Variants in IL1RAPL2 observed in about 807,000 individuals in gnomAD.
The protein encoded by IL1RAPL2 is X-linked interleukin-1 receptor accessory protein-like 2.
In IL1RAPL2, 3 loss-of-function variants were observed where a neutral mutation model predicts 44.1. The ratio of observed to expected loss-of-function variants is 0.07; its 90% CI spans 0.03 to 0.18. The LOEUF (loss-of-function observed/expected upper bound fraction) is 0.18, where lower values mean the gene tolerates loss of function less well. Ranked by LOEUF, IL1RAPL2 falls within the 10% of genes least tolerant of loss-of-function variation. The pLI, the probability that IL1RAPL2 is intolerant of heterozygous loss-of-function variation, is 1.00. For missense variants in IL1RAPL2, 391 were observed against 496.4 expected (o/e 0.79, Z 2.02); for synonymous variants, 181 against 178.8 (o/e 1.01, Z -0.10).
In IL1RAPL2 at chrX:105,315,455, T is replaced by C. The variant is rs190422283; in HGVS notation, c.697+47914T>C. ...AAGTGTATGATTCAGTGGCCTTTAG[T>C]ACATTCACAATATTGTGCAACTATA... On this transcript the variant is annotated intron_variant, in intron 5 of 10. Transcript: ENST00000372582. 5.7e-4 allele frequency among the ~76,000 whole-genome samples: 58 copies of C among 102,598 alleles called. 1 individual carries two copies. In the East Asian group the frequency reaches 0.018, roughly 31 times the overall value. 89.1% of individuals were successfully genotyped at this position (102,598 alleles called of 115,157 possible). A position where few individuals can be genotyped will look rare whatever the true frequency, so the allele number is the denominator to read the frequency against.
At chrX:105,386,420 G>T (rs945088568) in intron 5 of IL1RAPL2, among the ~76,000 whole-genome samples, 3 of 111,231 alleles carry the variant, frequency 2.7e-5, no homozygotes, top group Non-Finnish European at 3.8e-5. Context: ...CACTTAGATT[G>T]CAGTGTGCTA....
At position 104,812,127 on chromosome X, in the gene IL1RAPL2, T is replaced by C. The variant is rs942582414; in HGVS notation, c.82+153132T>C. Among the ~76,000 whole-genome samples the C allele has an allele frequency of 6.3e-5, 7 of 111,013 alleles. No individual in the cohort carries two copies. In the Admixed American group the frequency reaches 6.7e-4, roughly 11 times the overall value. The stretch of plus-strand genomic sequence containing the variant: ...ATTTCATTTCAACCGACAAACATTC[T>C]GCTCATCAAACAGCACCCCCTGAAG... On this transcript the variant is annotated intron_variant, in intron 2 of 10. Coordinates refer to ENST00000372582, the MANE Select transcript of IL1RAPL2 (RefSeq NM_017416.2).
At chrX:104,873,634 G>A (rs1389838665) in intron 2 of IL1RAPL2, among the ~76,000 whole-genome samples, 2 of 110,941 alleles carry the variant, frequency 1.8e-5, no homozygotes, top group South Asian at 3.9e-4. Flanking sequence ...TAAATCACTC[G>A]ATGGCTCTTA....
At chrX:104,578,355 A>C (rs1277647524) in intron 1 of IL1RAPL2, among the ~76,000 whole-genome samples, 1 of 112,307 alleles carries the variant, frequency 8.9e-6, no homozygotes, top group African/African-American at 3.2e-5. Flanking sequence ...AGAGAATGCT[A>C]AAGCTGAATG....
At chrX:105,019,224 G>C (rs767723764) in intron 2 of IL1RAPL2, among the ~76,000 whole-genome samples, 3 of 111,656 alleles carry the variant, frequency 2.7e-5, no homozygotes, top group Non-Finnish European at 5.7e-5. Flanking sequence ...AGCATGTTTT[G>C]CTTTCTTGCA....
chrX:104,856,389 C>T (rs1400681079), intron 2 of IL1RAPL2, among the ~76,000 whole-genome samples: 2 of 111,713 alleles, frequency 1.8e-5, no homozygotes, highest in Non-Finnish European at 3.8e-5. Flanking sequence ...TTCACATTAA[C>T]AACAGGAAAA....
intron 2 of IL1RAPL2, among the ~76,000 whole-genome samples, chrX:104,911,158 C>A (rs1030202893): frequency 2.7e-5 from 3 of 111,532 alleles, no homozygotes; most frequent in African/African-American, 9.8e-5. Flanking sequence ...TATCAACCTC[C>A]CATCTCCCGC....
At chrX:104,575,416 TCC>T (rs1414688540) in intron 1 of IL1RAPL2, among the ~76,000 whole-genome samples, 1 of 111,615 alleles carries the variant, frequency 9.0e-6, no homozygotes, top group Non-Finnish European at 1.9e-5. Context: ...ATTGTATATA[TCC>T]TATAAATATA....
At chrX:105,694,277 A>G (rs1301494011) in intron 6 of IL1RAPL2, among the ~76,000 whole-genome samples, 1 of 111,885 alleles carries the variant, frequency 8.9e-6, no homozygotes, top group African/African-American at 3.3e-5. Flanking sequence ...ATGCACTGCA[A>G]CAAGTTAGGG....
At chrX:105,078,078 A>T (rs1282599045) in intron 2 of IL1RAPL2, among the ~76,000 whole-genome samples, 2 of 111,679 alleles carry the variant, frequency 1.8e-5, no homozygotes, top group Non-Finnish European at 3.8e-5. Flanking sequence ...GCTGGTGAGG[A>T]GCTGCGTTCC....
chrX:104,774,423 G>A (rs1932686788), intron 2 of IL1RAPL2, among the ~76,000 whole-genome samples: 1 of 111,782 alleles, frequency 8.9e-6, no homozygotes, highest in African/African-American at 3.3e-5. Flanking sequence ...GTGGAAGAAA[G>A]TTTTGTGCAT....
chrX:105,447,604 T>C (rs1285225097), intron 5 of IL1RAPL2, among the ~76,000 whole-genome samples: 9 of 70,401 alleles, frequency 1.3e-4, no homozygotes, highest in African/African-American at 4.4e-4. Context: ...TATAAATAAA[T>C]ATAAATATAT....
chrX:105,005,276 A>C (rs2030921795), intron 2 of IL1RAPL2, among the ~76,000 whole-genome samples: 1 of 111,499 alleles, frequency 9.0e-6, no homozygotes, highest in African/African-American at 3.3e-5. Flanking sequence ...GTAGTGCTTA[A>C]TAAATACTTA....
chrX:104,904,086 T>G (rs937772557), intron 2 of IL1RAPL2, among the ~76,000 whole-genome samples: 1 of 110,345 alleles, frequency 9.1e-6, no homozygotes, highest in Non-Finnish European at 1.9e-5. Flanking sequence ...TGCATATGCT[T>G]GCCTTCTATT....
chrX:104,725,653 CAT>C (rs1469931832), intron 2 of IL1RAPL2, among the ~76,000 whole-genome samples: 28 of 112,269 alleles, frequency 2.5e-4, no homozygotes, highest in East Asian at 2.2e-3. Flanking sequence ...AGCTATTTTT[CAT>C]ATGTTTGTTG....
intron 2 of IL1RAPL2, among the ~76,000 whole-genome samples, chrX:104,817,791 A>G (rs1446333989): frequency 8.9e-6 from 1 of 111,868 alleles, no homozygotes; most frequent in Non-Finnish European, 1.9e-5. Flanking sequence ...AGTGTCTGAC[A>G]TTTAATTGAT....
intron 2 of IL1RAPL2, among the ~76,000 whole-genome samples, chrX:104,737,803 T>G (rs1188351578): frequency 1.8e-5 from 2 of 112,010 alleles, no homozygotes; most frequent in African/African-American, 6.5e-5. Context: ...TTTCTTGTTC[T>G]TCTTCCAGCC....
chrX:105,106,343 C>A (rs1004883685), intron 2 of IL1RAPL2, among the ~76,000 whole-genome samples: 3 of 110,658 alleles, frequency 2.7e-5, no homozygotes, highest in African/African-American at 9.9e-5. Context: ...GCTTTGGAAA[C>A]CGGGCTCTTC....
At chrX:105,099,611 C>T (rs1349037989) in intron 2 of IL1RAPL2, among the ~76,000 whole-genome samples, 8 of 106,322 alleles carry the variant, frequency 7.5e-5, no homozygotes, top group African/African-American at 2.8e-4. Context: ...ACTACAGGCG[C>T]CCGCCACTAC....
Sources: gnomAD v4.1 joint callset for allele counts (sites outside exome capture counted in the v4.1 genomes callset) on GRCh38, gnomAD v4.1.1 for gene constraint, MANE v1.5 for transcripts, NCBI Gene and HGNC (gene_info 2026-07-23, HGNC 2026-07-21) for gene names.